The following MSRA variants were observed in gnomAD, a reference collection of about 807,000 sequenced individuals.
MSRA encodes methionine sulfoxide reductase A.
A neutral mutation model predicts 31.3 loss-of-function variants in MSRA; 54 were observed. The observed-to-expected ratio is 1.73, with a 90% CI of 1.39 to 2.17. The LOEUF (loss-of-function observed/expected upper bound fraction) is 2.17, where lower values mean the gene tolerates loss of function less well. Ranked by LOEUF, MSRA falls within the 30% of genes most tolerant of loss-of-function variation. The pLI, the probability that MSRA is intolerant of heterozygous loss-of-function variation, is 0.00. For synonymous variants in MSRA, 169 were observed against 116.5 expected (o/e 1.45, Z -2.90); for missense variants, 507 against 300.9 (o/e 1.69, Z -5.07).
chr8:10,186,034 A>G (rs1365113627), intron 1 of MSRA, among the ~76,000 whole-genome samples: 2 of 152,138 alleles, frequency 1.3e-5, no homozygotes, highest in Non-Finnish European at 2.9e-5. Context: ...CACTTTCCAC[A>G]CAATACTGCA....
intron 5 of MSRA, among the ~76,000 whole-genome samples, chr8:10,332,453 C>CCCG (rs1802762967): frequency 6.7e-6 from 1 of 150,134 alleles, no homozygotes; most frequent in Non-Finnish European, 1.5e-5. Flanking sequence ...AAGAAAAATC[C>CCCG]CCCCTCCCCA....
rs993047161 is a variant in MSRA, at chr8:10,339,387, C to T, written c.543+19398C>T. 1.2e-4 allele frequency among the ~76,000 whole-genome samples: 18 copies of T among 152,106 alleles called. 1 individual carries two copies. Among genetic ancestry groups the T allele is most frequent in the Admixed American group, 6.6e-5 (1 of 15,262 alleles). On this transcript the variant is annotated intron_variant, in intron 5 of 5. Coordinates refer to ENST00000317173, the MANE Select transcript of MSRA (RefSeq NM_012331.5). ...GTTTCCAAAACTTATGATTCAGGTC[C>T]ACATTGGCTGCTTTTGAATTGGATC...
intron 1 of MSRA, among the ~76,000 whole-genome samples, chr8:10,181,552 T>C (rs1356908307): frequency 1.3e-5 from 2 of 151,894 alleles, no homozygotes; most frequent in Non-Finnish European, 2.9e-5. Context: ...CTAAAAGTCA[T>C]GGACAACCAC....
chr8:10,082,316 G>C (rs1355551047), intron 1 of MSRA, among the ~76,000 whole-genome samples: 2 of 152,134 alleles, frequency 1.3e-5, no homozygotes, highest in African/African-American at 4.8e-5. Context: ...GGAGTGATGG[G>C]GGAGGGGCCA....
chr8:10,222,785 A>G (rs750965882), intron 2 of MSRA, among the ~76,000 whole-genome samples: 1 of 152,240 alleles, frequency 6.6e-6, no homozygotes, highest in African/African-American at 2.4e-5. Flanking sequence ...ATGTTTAGAA[A>G]AGTCGAACTC....
chr8:10,309,417 G>T (rs1398071722), intron 4 of MSRA, among the ~76,000 whole-genome samples: 1 of 152,204 alleles, frequency 6.6e-6, no homozygotes, highest in Admixed American at 6.5e-5. Context: ...TCCATCACCA[G>T]CTGCTGTTTG....
chr8:10,078,166 T>C (rs1798089556), intron 1 of MSRA, among the ~76,000 whole-genome samples: 1 of 152,166 alleles, frequency 6.6e-6, no homozygotes. Flanking sequence ...TGGGGAGAGG[T>C]GAGCACTATA....
At position 10,054,390 on chromosome 8, in the gene MSRA, CG is replaced by C; in HGVS notation, c.-126del. 1.6e-6 allele frequency: 1 copy of C among 641,110 alleles called. No homozygotes were observed. Among genetic ancestry groups the C allele is most frequent in the Non-Finnish European group, 2.2e-6 (1 of 451,272 alleles). 39.7% of individuals were successfully genotyped at this position (641,110 alleles called of 1,614,324 possible). ...CTCCAGCCCCGCCAGCAGCGCCCCGCGCCCGCCCGCCCGCGCCCCTGCCGCC... is the reference window on the plus strand; with the variant it reads ...CTCCAGCCCCGCCAGCAGCGCCCCGCCCCGCCCGCCCGCGCCCCTGCCGCC... On this transcript the variant is annotated 5_prime_UTR_variant, in exon 1 of 6. Coordinates refer to ENST00000317173, the MANE Select transcript of MSRA (RefSeq NM_012331.5).
chr8:10,058,931 G>A (rs889885660), intron 1 of MSRA: 1 of 152,048 alleles, frequency 6.6e-6, no homozygotes, highest in South Asian at 2.1e-4. Context: ...ATTTCTCCCA[G>A]GCCACCTAAA....
Sources: allele counts gnomAD v4.1 joint callset (sites outside exome capture counted in the v4.1 genomes callset), GRCh38; gene constraint gnomAD v4.1.1; transcripts MANE v1.5; gene names NCBI Gene and HGNC (gene_info 2026-07-23, HGNC 2026-07-21).